Variants in ITGB3 observed in about 807,000 individuals in gnomAD.
ITGB3 encodes the protein integrin subunit beta 3.
ITGB3 carries 48 observed loss-of-function variants against 85.8 expected under a neutral mutation model. The observed-to-expected ratio is 0.56, with a 90% CI of 0.44 to 0.71. The LOEUF is 0.71. Ranked by LOEUF, ITGB3 falls within the 30% of genes least tolerant of loss-of-function variation. The pLI is 0.00. For missense variants in ITGB3, 861 were observed against 1,019.1 expected, an observed-to-expected ratio of 0.84 and a Z score of 2.11; for synonymous variants, 363 against 395.6, an observed-to-expected ratio of 0.92 and a Z score of 0.98.
intron 9 of ITGB3, among the ~76,000 whole-genome samples, chr17:47,291,727 G>C (rs186344645): frequency 7.2e-5 from 11 of 152,320 alleles, no homozygotes; most frequent in African/African-American, 2.4e-4. Flanking sequence ...AGTAGATCCT[G>C]AGCTTATGAT....
chr17:47,292,794 CAT>C (rs2065132442), intron 10 of ITGB3, among the ~76,000 whole-genome samples: 1 of 152,080 alleles, frequency 6.6e-6, no homozygotes, highest in African/African-American at 2.4e-5. Flanking sequence ...TTAGAAAACA[CAT>C]GTCAGAATAT....
At chr17:47,279,073 A>G (rs1487657924) in intron 2 of ITGB3, among the ~76,000 whole-genome samples, 1 of 152,264 alleles carries the variant, frequency 6.6e-6, no homozygotes, top group Non-Finnish European at 1.5e-5. Context: ...AATAGGCAGG[A>G]TAATGACAAC....
chr17:47,300,214 C>T (rs755734780), intron 11 of ITGB3, among the ~76,000 whole-genome samples: 1 of 152,112 alleles, frequency 6.6e-6, no homozygotes, highest in Non-Finnish European at 1.5e-5. Context: ...CTGGATGGGA[C>T]GGGAAGTTTA....
At chr17:47,257,356 A>G (rs2064994114) in intron 1 of ITGB3, among the ~76,000 whole-genome samples, 1 of 152,226 alleles carries the variant, frequency 6.6e-6, no homozygotes, top group Non-Finnish European at 1.5e-5. Context: ...GAAGAAGCCA[A>G]GAAGGAAAAA....
intron 9 of ITGB3, chr17:47,291,622 A>C (rs930258996): frequency 3.6e-6 from 1 of 277,706 alleles, no homozygotes; most frequent in African/African-American, 2.2e-5. Flanking sequence ...CTATTGACCT[A>C]TCTGTCTCTC....
At chr17:47,273,452 G>C (rs1329835972) in intron 1 of ITGB3, among the ~76,000 whole-genome samples, 3 of 152,258 alleles carry the variant, frequency 2.0e-5, no homozygotes, top group Non-Finnish European at 4.4e-5. Context: ...TAGGCAATTA[G>C]AGAGGACAGT....
chr17:47,268,021 C>T (rs1387534873), intron 1 of ITGB3, among the ~76,000 whole-genome samples: 1 of 152,186 alleles, frequency 6.6e-6, no homozygotes, highest in Admixed American at 6.5e-5. Flanking sequence ...TCCTTCTTCA[C>T]ATGGTGGCAG....
chr17:47,305,676 C>T (rs1567770391), intron 13 of ITGB3: 1 of 152,088 alleles, frequency 6.6e-6, no homozygotes, highest in Non-Finnish European at 1.5e-5. Context: ...TGGGAAAGAA[C>T]CCAAAATATT....
At chr17:47,302,652 G>C (rs1391253236) in intron 12 of ITGB3, 69 bp from the exon 13 acceptor site, 1 of 1,584,476 alleles carries the variant, frequency 6.3e-7, no homozygotes, top group Non-Finnish European at 8.7e-7. Flanking sequence ...TCCTGTGATA[G>C]GGGTTTGGAG....
chr17:47,256,509 T>G (rs8074453), intron 1 of ITGB3, among the ~76,000 whole-genome samples: 2,298 of 149,214 alleles, frequency 0.015, 56 homozygotes, highest in African/African-American at 0.053. Flanking sequence ...GTTTCTACTA[T>G]ATTTATATCT....
chr17:47,297,815 G>A (rs2065151217), intron 10 of ITGB3, among the ~76,000 whole-genome samples: 1 of 146,598 alleles, frequency 6.8e-6, no homozygotes. Flanking sequence ...CCAGGAGTTT[G>A]AAGTTACAGT....
chr17:47,281,680 G>A (rs1009881496), intron 2 of ITGB3, among the ~76,000 whole-genome samples: 3 of 152,136 alleles, frequency 2.0e-5, no homozygotes, highest in Non-Finnish European at 4.4e-5. Context: ...TGATAGGATG[G>A]GCTCTGGTTA....
At chr17:47,286,202 T>A in intron 4 of ITGB3, 58 bp from the exon 5 acceptor site, 1 of 1,596,530 alleles carries the variant, frequency 6.3e-7, no homozygotes, top group Non-Finnish European at 8.6e-7. Context: ...TCCTCCCAAT[T>A]CCCATGCTGC....
intron 1 of ITGB3, among the ~76,000 whole-genome samples, chr17:47,262,616 A>G (rs550493532): frequency 1.3e-5 from 2 of 152,296 alleles, no homozygotes; most frequent in East Asian, 3.9e-4. Context: ...CAAAAAAGCA[A>G]AAAGGGAGTT....
At chr17:47,291,520 G>A (rs2065125557) in intron 9 of ITGB3, 3 of 301,800 alleles carry the variant, frequency 9.9e-6, no homozygotes, top group South Asian at 5.1e-5. Context: ...CTTATTGGTC[G>A]TTTCTCCTCC....
intron 1 of ITGB3, among the ~76,000 whole-genome samples, chr17:47,263,171 C>T (rs2065014322): frequency 6.6e-6 from 1 of 152,106 alleles, no homozygotes; most frequent in Non-Finnish European, 1.5e-5. Context: ...CTGCCATATC[C>T]ATCTGTTGTT....
intron 2 of ITGB3, among the ~76,000 whole-genome samples, chr17:47,282,703 C>T (rs1176466988): frequency 6.6e-6 from 1 of 152,218 alleles, no homozygotes; most frequent in Non-Finnish European, 1.5e-5. Context: ...ATGGATCTCA[C>T]AGTCTAGCCC....
At chr17:47,277,457 G>C (rs1038524478) in intron 2 of ITGB3, among the ~76,000 whole-genome samples, 1 of 152,150 alleles carries the variant, frequency 6.6e-6, no homozygotes, top group Admixed American at 6.5e-5. Flanking sequence ...GGTGCCTGTA[G>C]TCCCAGCTAC....
In ITGB3 at chr17:47,312,113, CTCAT is replaced by C. The variant is rs1371334497; in HGVS notation, c.*1912_*1915del. Among the ~76,000 whole-genome samples, 1 of 152,204 alleles carries C rather than the reference CTCAT, an allele frequency of 6.6e-6. No individual in the cohort carries two copies. The highest frequency in any genetic ancestry group is 1.5e-5 in the Non-Finnish European group (1 of 68,050). On this transcript the variant is annotated 3_prime_UTR_variant, in exon 15 of 15. Coordinates refer to ENST00000559488, the MANE Select transcript of ITGB3 (RefSeq NM_000212.3). ...CCATATCACCTTTCTCAATGAAAGTCTCATTCTATCCTCTCTCCAAACCCGTTTT... is the reference window on the plus strand; with the variant it reads ...CCATATCACCTTTCTCAATGAAAGTCTCTATCCTCTCTCCAAACCCGTTTT...
Sources: gnomAD v4.1 joint callset for allele counts (sites outside exome capture counted in the v4.1 genomes callset) on GRCh38, gnomAD v4.1.1 for gene constraint, MANE v1.5 for transcripts, NCBI Gene and HGNC (gene_info 2026-07-23, HGNC 2026-07-21) for gene names.